Variants in CNTN4 observed in about 807,000 individuals in gnomAD.
The protein encoded by CNTN4 is contactin-4.
In CNTN4, 77 loss-of-function variants were observed where a neutral mutation model predicts 122.5. That is an observed-to-expected ratio of 0.63 (90% CI 0.52 to 0.76). The LOEUF is 0.76. Among genes scored for constraint, CNTN4 ranks in the 30% least tolerant of loss-of-function variants. CNTN4 has a pLI of 0.00. For synonymous variants in CNTN4, 512 were observed against 447.0 expected (o/e 1.15, Z -1.83); for missense variants, 1,256 against 1,259.1 (o/e 1.00, Z 0.04).
chr3:2,952,280 T>C (rs1005435707), intron 13 of CNTN4, among the ~76,000 whole-genome samples: 1 of 152,202 alleles, frequency 6.6e-6, no homozygotes, highest in Non-Finnish European at 1.5e-5. Context: ...AGTCCAAGAC[T>C]CTCTTGGATC....
intron 4 of CNTN4, among the ~76,000 whole-genome samples, chr3:2,668,186 A>G (rs1172606213): frequency 6.6e-6 from 1 of 152,206 alleles, no homozygotes; most frequent in Non-Finnish European, 1.5e-5. Flanking sequence ...CTTGGGCAGT[A>G]TGACCATTTT....
chr3:2,835,841 C>T (rs1283378318), intron 7 of CNTN4, among the ~76,000 whole-genome samples: 1 of 151,982 alleles, frequency 6.6e-6, no homozygotes. Context: ...TAAGTATTCA[C>T]CTCATGCAAT....
At chr3:2,730,084 C>G (rs1251801316) in intron 4 of CNTN4, among the ~76,000 whole-genome samples, 1 of 152,114 alleles carries the variant, frequency 6.6e-6, no homozygotes, top group Middle Eastern at 3.2e-3. Context: ...TATCCCTTAT[C>G]TAAAATGCTT....
In CNTN4 at chr3:3,056,262, C is replaced by T. The variant is rs1448524543; in HGVS notation, c.*42C>T. On this transcript the variant is annotated 3_prime_UTR_variant, in exon 25 of 25. Coordinates refer to ENST00000418658, the MANE Select transcript of CNTN4 (RefSeq NM_175607.3). ...GACTTGCTGTTTATAATATAAGCAA[C>T]ATTTAGCTAGTTGTTTTGAAGACAC... The T allele has an allele frequency of 5.4e-5, 76 of 1,418,138 alleles. No homozygotes were observed. Among genetic ancestry groups the T allele is most frequent in the Non-Finnish European group, 7.4e-5 (74 of 1,001,792 alleles). The allele number at this position is 1,418,138 out of a possible 1,614,324, so 87.8% of individuals were successfully genotyped here.
intron 3 of CNTN4, among the ~76,000 whole-genome samples, chr3:2,566,611 G>A (rs1297320655): frequency 6.6e-6 from 1 of 151,988 alleles, no homozygotes; most frequent in Non-Finnish European, 1.5e-5. Flanking sequence ...GTGGGGGCCA[G>A]GAGGCAGAAT....
intron 4 of CNTN4, among the ~76,000 whole-genome samples, chr3:2,666,348 T>C (rs1046123500): frequency 6.6e-5 from 10 of 152,192 alleles, no homozygotes; most frequent in African/African-American, 2.4e-4. Flanking sequence ...TTATGATTCT[T>C]CAAATAGGTC....
intron 3 of CNTN4, among the ~76,000 whole-genome samples, chr3:2,445,415 A>T (rs1318306310): frequency 6.6e-6 from 1 of 152,176 alleles, no homozygotes; most frequent in Non-Finnish European, 1.5e-5. Context: ...AATCTCGAAG[A>T]TAGAGGTGGA....
intron 4 of CNTN4, among the ~76,000 whole-genome samples, chr3:2,735,379 G>C (rs1251823582): frequency 2.0e-5 from 3 of 152,182 alleles, no homozygotes; most frequent in Non-Finnish European, 4.4e-5. Flanking sequence ...ATGGTTTGTG[G>C]ATCATTCCAG....
At chr3:2,757,934 G>T (rs760968181) in intron 6 of CNTN4, among the ~76,000 whole-genome samples, 1 of 152,158 alleles carries the variant, frequency 6.6e-6, no homozygotes, top group Non-Finnish European at 1.5e-5. Context: ...CACTAATTAT[G>T]ATTAGAGTAT....
At chr3:2,438,919 A>C (rs2048342699) in intron 3 of CNTN4, among the ~76,000 whole-genome samples, 1 of 152,192 alleles carries the variant, frequency 6.6e-6, no homozygotes, top group Admixed American at 6.5e-5. Flanking sequence ...CTGTATCTTC[A>C]ATTCTACTTT....
At chr3:2,975,695 T>C (rs1452945218) in intron 13 of CNTN4, among the ~76,000 whole-genome samples, 1 of 152,212 alleles carries the variant, frequency 6.6e-6, no homozygotes, top group Non-Finnish European at 1.5e-5. Context: ...ACTATTCTTT[T>C]ACAAGCTACT....
At chr3:2,656,198 A>C (rs2083584279) in intron 4 of CNTN4, among the ~76,000 whole-genome samples, 1 of 152,262 alleles carries the variant, frequency 6.6e-6, no homozygotes, top group African/African-American at 2.4e-5. Context: ...ATGTAATCTC[A>C]TTTCGCTGCA....
At chr3:2,292,169 C>G (rs2042158901) in intron 2 of CNTN4, among the ~76,000 whole-genome samples, 1 of 152,212 alleles carries the variant, frequency 6.6e-6, no homozygotes, top group South Asian at 2.1e-4. Flanking sequence ...ACTTCTACGG[C>G]ACTTATCTGT....
intron 2 of CNTN4, among the ~76,000 whole-genome samples, chr3:2,255,016 T>C (rs1307676684): frequency 6.6e-6 from 1 of 152,210 alleles, no homozygotes; most frequent in Non-Finnish European, 1.5e-5. Context: ...TTTATAGTTT[T>C]AGGTCTTAGG....
intron 3 of CNTN4, among the ~76,000 whole-genome samples, chr3:2,533,745 A>G (rs1017313552): frequency 2.6e-5 from 4 of 151,674 alleles, no homozygotes; most frequent in African/African-American, 9.6e-5. Flanking sequence ...AGCTGTTCCT[A>G]TTTCTCCACA....
At chr3:2,902,820 C>G in intron 11 of CNTN4, 56 bp from the exon 12 acceptor site, 3 of 1,580,284 alleles carry the variant, frequency 1.9e-6, no homozygotes, top group South Asian at 2.3e-5. Flanking sequence ...GTAAAATTGC[C>G]TTAAAGTCTC....
intron 10 of CNTN4, among the ~76,000 whole-genome samples, chr3:2,890,882 G>T (rs1269793311): frequency 4.6e-5 from 7 of 152,016 alleles, no homozygotes; most frequent in African/African-American, 1.7e-4. Context: ...TCTGTTTTTG[G>T]CATTAAAAAC....
At chr3:2,558,912 G>A (rs1435941395) in intron 3 of CNTN4, among the ~76,000 whole-genome samples, 1 of 152,126 alleles carries the variant, frequency 6.6e-6, no homozygotes, top group Non-Finnish European at 1.5e-5. Flanking sequence ...AAGTAGATTG[G>A]CAGCATGTAC....
chr3:2,386,250 G>C (rs1344772045), intron 3 of CNTN4, among the ~76,000 whole-genome samples: 1 of 151,284 alleles, frequency 6.6e-6, no homozygotes, highest in Non-Finnish European at 1.5e-5. Flanking sequence ...ATTCTGACTG[G>C]ATTATTTTCC....
Sources: gnomAD v4.1 joint callset for allele counts (sites outside exome capture counted in the v4.1 genomes callset) on GRCh38, gnomAD v4.1.1 for gene constraint, MANE v1.5 for transcripts, NCBI Gene and HGNC (gene_info 2026-07-23, HGNC 2026-07-21) for gene names.